The following KDM5B variants were observed in gnomAD, a reference collection of about 807,000 sequenced individuals.
KDM5B encodes lysine demethylase 5B.
In KDM5B, 144 loss-of-function variants were observed where a neutral mutation model predicts 193.4. The ratio of observed to expected loss-of-function variants is 0.74; its 90% confidence interval spans 0.65 to 0.86. KDM5B has a LOEUF of 0.86. Ranked by LOEUF, KDM5B falls within the 40% of genes least tolerant of loss-of-function variation. The probability of loss-of-function intolerance (pLI) is 0.00; values close to 1 mark genes in which losing one functional copy is unlikely to be tolerated. For missense variants in KDM5B, 1,833 were observed against 1,886.9 expected (o/e 0.97, Z 0.53); for synonymous variants, 668 against 682.6 (o/e 0.98, Z 0.33).
chr1:202,758,624 T>G, intron 8 of KDM5B, 114 bp from the exon 9 acceptor site: 1 of 764,432 alleles, frequency 1.3e-6, no homozygotes, highest in South Asian at 3.2e-5. Flanking sequence ...TTTACTTCTA[T>G]GCTAGGTCTA....
chr1:202,757,373 G>A (rs550776634), intron 9 of KDM5B, among the ~76,000 whole-genome samples: 2 of 152,268 alleles, frequency 1.3e-5, no homozygotes, highest in East Asian at 1.9e-4. Context: ...GTAGCAGCAC[G>A]CCCTTAGAAT....
chr1:202,749,125 T>C lies in KDM5B; in HGVS notation c.1836A>G (p.Arg612=). 1 of 1,606,256 alleles carries C rather than the reference T, an allele frequency of 6.2e-7. No individual in the cohort carries two copies. Residue 612 remains arginine, a synonymous_variant, in exon 14 of 27, where the codon CGA becomes CGG. Coordinates refer to ENST00000367265, the MANE Select transcript of KDM5B (RefSeq NM_006618.5). ...FCTVDWLPLG[R]QCVEHYRLLH... is the part of the protein sequence containing the mutation. ...GCAAGCGATAATGCTCCACACACTG[T>C]CGGCCTAATGGCAGCTGTATCAAAA...
chr1:202,742,596 A>G (rs1167615016), intron 17 of KDM5B, 59 bp downstream of exon 17: 1 of 1,609,088 alleles, frequency 6.2e-7, no homozygotes, highest in Non-Finnish European at 8.5e-7. Flanking sequence ...CAGGAGTCAC[A>G]ACAGGTTTCC....
At chr1:202,735,702 A>T in intron 21 of KDM5B, 115 bp from the exon 22 acceptor site, 2 of 973,976 alleles carry the variant, frequency 2.1e-6, no homozygotes, top group South Asian at 1.7e-5. Flanking sequence ...CTTAGTATTG[A>T]AGATTTTCTT....
intron 1 of KDM5B, chr1:202,796,820 A>G (rs1171460940): frequency 1.3e-5 from 2 of 154,428 alleles, no homozygotes; most frequent in African/African-American, 4.8e-5. Context: ...CATCACCATG[A>G]TGCTGGCTAC....
intron 19 of KDM5B, 53 bp downstream of exon 19, chr1:202,741,314 A>C: frequency 7.7e-7 from 1 of 1,303,692 alleles, no homozygotes; most frequent in Non-Finnish European, 1.1e-6. Flanking sequence ...TCTGTGTTTA[A>C]GCTGGAGATA....
intron 14 of KDM5B, 45 bp downstream of exon 14, chr1:202,748,896 CTAAA>C (rs1655674789): frequency 6.8e-7 from 1 of 1,472,710 alleles, no homozygotes; most frequent in South Asian, 1.3e-5. Flanking sequence ...AAAAATTTTA[CTAAA>C]TAATACCCAA....
chr1:202,775,183 G>A (rs577854862), intron 2 of KDM5B, among the ~76,000 whole-genome samples: 42 of 151,802 alleles, frequency 2.8e-4, no homozygotes, highest in Admixed American at 1.1e-3. Flanking sequence ...GTTGCAGTAA[G>A]CTGAGATCAC....
rs1429689822 is a variant in KDM5B at position 202,758,473 on chromosome 1, T to C, written c.1115A>G (p.Gln372Arg). 4.3e-6 allele frequency: 7 copies of C among 1,611,332 alleles called. No homozygotes were observed. The highest frequency in any genetic ancestry group is 5.1e-6 in the Non-Finnish European group (6 of 1,178,098). Residue 372 changes from glutamine to arginine, a missense_variant, in exon 9 of 27, where the codon CAA becomes CGA. By Grantham distance (43) the Gln-to-Arg change is conservative. Coordinates refer to ENST00000367265, the MANE Select transcript of KDM5B (RefSeq NM_006618.5). ...ACGGAGGGTATAGTCCCTGGCTGCTTGTTCAAAGCCAAATGCTTCTTGTGG... is the reference window on the plus strand; with the variant it reads ...ACGGAGGGTATAGTCCCTGGCTGCTCGTTCAAAGCCAAATGCTTCTTGTGG... ...SKPQEAFGFE[Q>R]AARDYTLRTF... is the part of the protein sequence containing the mutation.
Position 202,730,028 on chromosome 1 carries a change from C to A in KDM5B, c.4177-1G>T. 6.2e-7 allele frequency: 1 copy of A among 1,606,860 alleles called. No individual in the cohort carries two copies. Among genetic ancestry groups the A allele is most frequent in the Non-Finnish European group, 8.5e-7 (1 of 1,176,488 alleles). On this transcript the variant is annotated splice_acceptor_variant, in intron 25 of 26. Transcript: ENST00000367265. LOFTEE classifies it high-confidence loss of function. ...CTCGCTTCCCTCGGCAACAGTCATT[C>A]TGGGTGGAAGATAGGAAAGTTCAAT...
chr1:202,790,194 T>C (rs1206052231), intron 1 of KDM5B, among the ~76,000 whole-genome samples: 1 of 149,062 alleles, frequency 6.7e-6, no homozygotes, highest in African/African-American at 2.5e-5. Flanking sequence ...ACTCGGGAGG[T>C]AAAGGTTGCG....
chr1:202,779,977 G>A (rs1657135066), intron 1 of KDM5B, among the ~76,000 whole-genome samples: 1 of 151,902 alleles, frequency 6.6e-6, no homozygotes, highest in Non-Finnish European at 1.5e-5. Flanking sequence ...GATTTATAAA[G>A]AGTTCATAAC....
chr1:202,766,912 C>T lies in KDM5B; in HGVS notation c.711+14G>A, dbSNP rs778384407. 5.8e-6 allele frequency: 9 copies of T among 1,564,624 alleles called. No individual in the cohort carries two copies. The highest frequency in any genetic ancestry group is 6.9e-6 in the Non-Finnish European group (8 of 1,164,698). ...TTGAGAATTCCTTTTAAATTAACCT[C>T]ATGAGGCTCTTACCTCTGCTCTCAT... On this transcript the variant is annotated intron_variant, in intron 5 of 26. Coordinates refer to ENST00000367265, the MANE Select transcript of KDM5B (RefSeq NM_006618.5).
At chr1:202,745,754 G>A (rs1655526395) in intron 16 of KDM5B, 104 bp downstream of exon 16, 1 of 1,321,574 alleles carries the variant, frequency 7.6e-7, no homozygotes, top group Non-Finnish European at 1.1e-6. Flanking sequence ...GCTAACCAAG[G>A]ATGAGGTCAG....
At chr1:202,789,845 C>T (rs540917960) in intron 1 of KDM5B, among the ~76,000 whole-genome samples, 14 of 152,078 alleles carry the variant, frequency 9.2e-5, no homozygotes, top group South Asian at 4.2e-4. Context: ...CATATTGGCA[C>T]GTGCCTGTAG....
chr1:202,770,151 A>G (rs2102290524), intron 4 of KDM5B, among the ~76,000 whole-genome samples: 1 of 152,326 alleles, frequency 6.6e-6, no homozygotes, highest in South Asian at 2.1e-4. Context: ...CACAATTAAA[A>G]ATACACACGA....
chr1:202,761,111 T>C (rs72750674), intron 7 of KDM5B, among the ~76,000 whole-genome samples: 2,360 of 152,212 alleles, frequency 0.016, 26 homozygotes, highest in Non-Finnish European at 0.024. Context: ...GTTTTCCATA[T>C]TTAAAACAAA....
intron 1 of KDM5B, among the ~76,000 whole-genome samples, chr1:202,792,197 CTTATTT>C (rs1166004413): frequency 6.8e-6 from 1 of 147,930 alleles, no homozygotes; most frequent in Non-Finnish European, 1.5e-5. Context: ...TTCTTTCTTT[CTTATTT>C]TTATTTTGTT....
intron 1 of KDM5B, among the ~76,000 whole-genome samples, chr1:202,785,346 T>C (rs1009418553): frequency 6.6e-6 from 1 of 152,204 alleles, no homozygotes; most frequent in African/African-American, 2.4e-5. Context: ...CTCCTCTATA[T>C]TTTCCCATTG....
Sources: gnomAD v4.1 joint callset for allele counts (sites outside exome capture counted in the v4.1 genomes callset) on GRCh38, gnomAD v4.1.1 for gene constraint, MANE v1.5 for transcripts, NCBI Gene and HGNC (gene_info 2026-07-23, HGNC 2026-07-21) for gene names.